Variants in ADAMTSL3 observed in about 807,000 individuals in gnomAD.
ADAMTSL3 encodes the protein ADAMTS-like protein 3.
Under a neutral mutation model 201.7 loss-of-function variants are expected in ADAMTSL3, and 128 were observed. The observed-to-expected ratio is 0.63, with a 90% CI of 0.55 to 0.73. ADAMTSL3 has a LOEUF of 0.73. ADAMTSL3 is among the 30% of genes least tolerant of loss of function. The pLI is 0.00. For missense variants in ADAMTSL3, 1,990 were observed against 2,119.6 expected (o/e 0.94, Z 1.20); for synonymous variants, 738 against 748.4 (o/e 0.99, Z 0.23).
chr15:83,758,723 T>G (rs1229237663), intron 3 of ADAMTSL3, among the ~76,000 whole-genome samples: 2 of 152,242 alleles, frequency 1.3e-5, no homozygotes, highest in Non-Finnish European at 2.9e-5. Flanking sequence ...AAATATCTAT[T>G]CATGTCTTTT....
At position 83,890,093 on chromosome 15, in the gene ADAMTSL3, T is replaced by G. The variant is rs772793327; in HGVS notation, c.1073-16T>G. ...AACGGATGCAATATTCAGACTTGCC[T>G]TTTCTAACACTTTAGGTTATCAGCT... is the stretch of plus-strand genomic sequence containing the variant. On this transcript the variant is annotated splice_polypyrimidine_tract_variant and intron_variant, in intron 10 of 29. Coordinates refer to ENST00000286744, the MANE Select transcript of ADAMTSL3 (RefSeq NM_207517.3). 6.2e-7 allele frequency: 1 copy of G among 1,602,992 alleles called. No homozygotes were observed. The highest frequency in any genetic ancestry group is 8.5e-7 in the Non-Finnish European group (1 of 1,175,154).
intron 7 of ADAMTSL3, among the ~76,000 whole-genome samples, chr15:83,846,615 C>T (rs2141722823): frequency 6.6e-6 from 1 of 152,350 alleles, no homozygotes. Context: ...ACATCAGGAG[C>T]ACTTGGGGAA....
Position 83,913,248 on chromosome 15 carries a change from C to T in ADAMTSL3, c.1857C>T (p.Pro619=), listed in dbSNP as rs746384144. 3.7e-6 allele frequency: 6 copies of T among 1,614,048 alleles called. No homozygotes were observed. In the African/African-American group the frequency reaches 4.0e-5, roughly 11 times the overall value. ...GCCCCAAGCTGCCCACCGAACGGCC[C>T]TGCCTCCTGGAAGCATGTGATGAGA... ...CEGPKLPTER[P]CLLEACDESP... is the part of the protein sequence containing the mutation. Residue 619 remains proline, a synonymous_variant, in exon 16 of 30, where the codon CCC becomes CCT. Coordinates refer to ENST00000286744, the MANE Select transcript of ADAMTSL3 (RefSeq NM_207517.3).
chr15:83,728,512 T>C (rs2141597021), intron 3 of ADAMTSL3, among the ~76,000 whole-genome samples: 1 of 152,038 alleles, frequency 6.6e-6, no homozygotes, highest in Admixed American at 6.6e-5. Context: ...ATCTGTTGTA[T>C]GCTTTTTGAT....
chr15:83,906,944 G>C (rs868312788), intron 15 of ADAMTSL3, among the ~76,000 whole-genome samples: 31 of 151,758 alleles, frequency 2.0e-4, no homozygotes, highest in Admixed American at 1.8e-3. Flanking sequence ...AAAATTACCA[G>C]CTGGGTGCAG....
chr15:83,927,948 T>A (rs1162757455), intron 17 of ADAMTSL3, among the ~76,000 whole-genome samples: 1 of 151,882 alleles, frequency 6.6e-6, no homozygotes, highest in East Asian at 1.9e-4. Flanking sequence ...AGACTTAAAA[T>A]TGTGACTACA....
intron 10 of ADAMTSL3, among the ~76,000 whole-genome samples, chr15:83,888,263 A>G (rs567766719): frequency 3.3e-5 from 5 of 152,366 alleles, no homozygotes; most frequent in African/African-American, 1.2e-4. Context: ...TAGAAAGGCA[A>G]TCTGCCTCAT....
At chr15:83,741,211 A>G (rs2062449370) in intron 3 of ADAMTSL3, among the ~76,000 whole-genome samples, 1 of 150,678 alleles carries the variant, frequency 6.6e-6, no homozygotes, top group South Asian at 2.1e-4. Context: ...TTAATATTAT[A>G]TTAATTATAA....
At chr15:83,740,529 C>A (rs541315695) in intron 3 of ADAMTSL3, among the ~76,000 whole-genome samples, 1 of 152,208 alleles carries the variant, frequency 6.6e-6, no homozygotes, top group Admixed American at 6.5e-5. Flanking sequence ...AACTTTATGA[C>A]CTTAAAGACA....
At chr15:83,795,554 C>T (rs2063412309) in intron 4 of ADAMTSL3, among the ~76,000 whole-genome samples, 1 of 151,974 alleles carries the variant, frequency 6.6e-6, no homozygotes, top group African/African-American at 2.4e-5. Context: ...AGACACTTAA[C>T]AGAAGGACTA....
intron 2 of ADAMTSL3, among the ~76,000 whole-genome samples, chr15:83,700,822 A>G (rs191914396): frequency 4.5e-4 from 68 of 152,322 alleles, no homozygotes; most frequent in African/African-American, 1.6e-3. Flanking sequence ...GCAATTAGCA[A>G]TAGTGGTGCT....
intron 27 of ADAMTSL3, among the ~76,000 whole-genome samples, chr15:84,031,070 C>G (rs2068400464): frequency 6.6e-6 from 1 of 152,168 alleles, no homozygotes; most frequent in Non-Finnish European, 1.5e-5. Flanking sequence ...GTAAATTACC[C>G]AGTCTCGGGT....
At chr15:83,870,329 G>T (rs568542109) in intron 8 of ADAMTSL3, among the ~76,000 whole-genome samples, 22 of 152,238 alleles carry the variant, frequency 1.4e-4, no homozygotes, top group South Asian at 4.1e-4. Context: ...GGTTACAAAG[G>T]ACCTCTCTAT....
At chr15:83,920,360 T>C (rs2066116561) in intron 16 of ADAMTSL3, among the ~76,000 whole-genome samples, 1 of 152,170 alleles carries the variant, frequency 6.6e-6, no homozygotes, top group Non-Finnish European at 1.5e-5. Context: ...CAGTGGTTTA[T>C]GATGCCCTTC....
intron 7 of ADAMTSL3, among the ~76,000 whole-genome samples, chr15:83,858,397 G>A (rs772958963): frequency 4.6e-5 from 7 of 152,142 alleles, no homozygotes; most frequent in Non-Finnish European, 1.0e-4. Context: ...TCTTGAGATA[G>A]AGTCTTACTC....
At chr15:83,878,494 G>C (rs2065216992) in intron 9 of ADAMTSL3, among the ~76,000 whole-genome samples, 1 of 152,038 alleles carries the variant, frequency 6.6e-6, no homozygotes, top group African/African-American at 2.4e-5. Context: ...TGTGCCTGTA[G>C]TCCCAGCTAC....
At chr15:83,950,196 AG>A (rs987789866) in intron 19 of ADAMTSL3, among the ~76,000 whole-genome samples, 2 of 152,086 alleles carry the variant, frequency 1.3e-5, no homozygotes, top group African/African-American at 4.8e-5. Context: ...ATTAAGAGAG[AG>A]GGGTCTAGTT....
At chr15:83,902,327 G>A (rs1375752544) in intron 15 of ADAMTSL3, among the ~76,000 whole-genome samples, 1 of 152,092 alleles carries the variant, frequency 6.6e-6, no homozygotes, top group Non-Finnish European at 1.5e-5. Flanking sequence ...CTGGAGTGCA[G>A]TGGCGTGATC....
rs549045778 is a variant in ADAMTSL3, at chr15:83,898,889, G to A, written c.1616-758G>A. On this transcript the variant is annotated intron_variant, in intron 14 of 29. Transcript: ENST00000286744. Reference sequence around the variant, plus strand: ...CCATTCAATAAATATTTTTGAGTACGTCTATCTTGCAGAAAAATCACTAGT... The same window carrying A: ...CCATTCAATAAATATTTTTGAGTACATCTATCTTGCAGAAAAATCACTAGT... 4.6e-5 allele frequency among the ~76,000 whole-genome samples: 7 copies of A among 152,156 alleles called. No individual in the cohort carries two copies. In the South Asian group the frequency reaches 6.2e-4, roughly 14 times the overall value.
Sources: allele counts gnomAD v4.1 joint callset (sites outside exome capture counted in the v4.1 genomes callset), GRCh38; gene constraint gnomAD v4.1.1; transcripts MANE v1.5; gene names NCBI Gene and HGNC (gene_info 2026-07-23, HGNC 2026-07-21).